Variants in HYCC1 observed in about 807,000 individuals in gnomAD.
HYCC1 encodes hyccin PI4KA lipid kinase complex subunit 1, also known as hyccin.
chr7:22,995,970 C>T, the HYCC1 span, among the ~76,000 whole-genome samples: 205 of 152,220 alleles, frequency 1.3e-3, no homozygotes, highest in African/African-American at 4.7e-3. Flanking sequence ...TGGTAAGTTC[C>T]TTTTAACTAT....
the HYCC1 span, among the ~76,000 whole-genome samples, chr7:22,980,894 C>T: frequency 0.89 from 135,760 of 152,168 alleles, 60,816 homozygotes; most frequent in East Asian, 0.99. Flanking sequence ...AAAAGCGCCG[C>T]TTAAGCAAAC....
chr7:22,918,488 T>C, the HYCC1 span, among the ~76,000 whole-genome samples: 266 of 152,134 alleles, frequency 1.7e-3, 1 homozygote, highest in Non-Finnish European at 3.0e-3. Flanking sequence ...CCCAAAAATT[T>C]TTGCCACCCC....
chr7:22,978,162 G>T, the HYCC1 span: 1 of 976,292 alleles, frequency 1.0e-6, no homozygotes, highest in Non-Finnish European at 1.6e-6. Flanking sequence ...TGAGTCATTT[G>T]GTGTATGAAA....
chr7:22,992,771 C>A, the HYCC1 span, among the ~76,000 whole-genome samples: 1 of 152,060 alleles, frequency 6.6e-6, no homozygotes, highest in Non-Finnish European at 1.5e-5. Context: ...AAAGTTATCA[C>A]AAATGGAACC....
chr7:23,014,008 C>T, the HYCC1 span: 1 of 471,174 alleles, frequency 2.1e-6, no homozygotes, highest in Admixed American at 2.3e-5. Flanking sequence ...CTGCTTCCTC[C>T]CGAGTAGCAG....
At chr7:22,954,695 T>C in the HYCC1 span, among the ~76,000 whole-genome samples, 2 of 136,258 alleles carry the variant, frequency 1.5e-5, no homozygotes, top group East Asian at 4.6e-4. Flanking sequence ...TCTAAAATTC[T>C]TGCAGTACTT....
At chr7:22,932,881 G>T in the HYCC1 span, among the ~76,000 whole-genome samples, 1 of 152,234 alleles carries the variant, frequency 6.6e-6, no homozygotes, top group East Asian at 1.9e-4. Context: ...AGCTAAGTTG[G>T]AGTCATAATG....
At chr7:22,929,197 G>A in the HYCC1 span, among the ~76,000 whole-genome samples, 1 of 152,054 alleles carries the variant, frequency 6.6e-6, no homozygotes, top group Non-Finnish European at 1.5e-5. Flanking sequence ...AATTCAAGAT[G>A]GATTAAAGAC....
At chr7:22,987,412 G>T in the HYCC1 span, among the ~76,000 whole-genome samples, 1 of 152,182 alleles carries the variant, frequency 6.6e-6, no homozygotes, top group Non-Finnish European at 1.5e-5. Flanking sequence ...GCTGGGCATG[G>T]TGGTGCACAC....
chr7:22,962,498 T>C, the HYCC1 span, among the ~76,000 whole-genome samples: 2 of 151,614 alleles, frequency 1.3e-5, no homozygotes, highest in Non-Finnish European at 2.9e-5. Context: ...GAACAAAAAT[T>C]TTAAAGCCTT....
At chr7:23,007,092 T>A in the HYCC1 span, among the ~76,000 whole-genome samples, 1 of 152,188 alleles carries the variant, frequency 6.6e-6, no homozygotes, top group Non-Finnish European at 1.5e-5. Context: ...AAGATCACAG[T>A]ATTTATTAAA....
At chr7:22,896,341 C>A in the HYCC1 span, among the ~76,000 whole-genome samples, 6 of 152,158 alleles carry the variant, frequency 3.9e-5, no homozygotes, top group Non-Finnish European at 1.5e-5. Context: ...ATTCTGGCTA[C>A]CCTGGAGGCA....
chr7:22,943,884 A>G, the HYCC1 span: 1 of 152,716 alleles, frequency 6.5e-6, no homozygotes, highest in African/African-American at 2.4e-5. Flanking sequence ...CTGGAGCTAA[A>G]AGAAAATCAA....
At chr7:22,964,311 C>A in the HYCC1 span, 2 of 734,158 alleles carry the variant, frequency 2.7e-6, no homozygotes, top group African/African-American at 1.8e-5. Context: ...AAAAAGTATG[C>A]AAATCACTTA....
chr7:22,908,137 T>C, the HYCC1 span, among the ~76,000 whole-genome samples: 1 of 152,180 alleles, frequency 6.6e-6, no homozygotes, highest in Non-Finnish European at 1.5e-5. Context: ...TTTAGTAGAC[T>C]AAAACATAAG....
the HYCC1 span, among the ~76,000 whole-genome samples, chr7:22,925,986 G>A: frequency 5.3e-5 from 8 of 152,128 alleles, no homozygotes; most frequent in Admixed American, 3.9e-4. Flanking sequence ...CTGATCTCTC[G>A]GCAGAAACTC....
chr7:23,013,965 G>A, the HYCC1 span: 2 of 470,732 alleles, frequency 4.2e-6, no homozygotes, highest in South Asian at 1.5e-5. Context: ...ACCTCGACTC[G>A]TGAGGCTCTC....
the HYCC1 span, among the ~76,000 whole-genome samples, chr7:22,987,165 T>C: frequency 6.6e-6 from 1 of 152,158 alleles, no homozygotes; most frequent in African/African-American, 2.4e-5. Context: ...AGATAATATT[T>C]TATAAGTAAA....
chr7:22,909,143 T>C, the HYCC1 span, among the ~76,000 whole-genome samples: 1 of 152,292 alleles, frequency 6.6e-6, no homozygotes, highest in South Asian at 2.1e-4. Context: ...CGAAATGTAA[T>C]TCCCAGTGTT....
Sources: gnomAD v4.1 joint callset for allele counts (sites outside exome capture counted in the v4.1 genomes callset) on GRCh38, gnomAD v4.1.1 for gene constraint, MANE v1.5 for transcripts, NCBI Gene and HGNC (gene_info 2026-07-23, HGNC 2026-07-21) for gene names.